Variants in KCNA2 observed in about 807,000 individuals in gnomAD.
The protein encoded by KCNA2 is potassium channel, voltage gated shaker related subfamily A, member 2.
A neutral mutation model predicts 33.4 loss-of-function variants in KCNA2; 11 were observed. The observed-to-expected ratio is 0.33, with a 90% CI of 0.21 to 0.55. The LOEUF (loss-of-function observed/expected upper bound fraction) is 0.55, where lower values mean the gene tolerates loss of function less well. KCNA2 is among the 20% of genes least tolerant of loss of function. The pLI, the probability that KCNA2 is intolerant of heterozygous loss-of-function variation, is 0.93. For missense variants in KCNA2, 291 were observed against 621.6 expected (o/e 0.47, Z 5.66); for synonymous variants, 222 against 231.3 (o/e 0.96, Z 0.37).
In KCNA2 at chr1:110,602,548, CA is replaced by C; in HGVS notation, c.*734del. ...CTGGAGCCTGCAAAAATGGTGAAAT[CA>C]GAGGCTTAGAGGTCTGTTGGTTTGT... On this transcript the variant is annotated 3_prime_UTR_variant, in exon 3 of 3. Transcript: ENST00000316361. 1.0e-5 allele frequency: 11 copies of C among 1,063,180 alleles called. No individual in the cohort carries two copies. The highest frequency in any genetic ancestry group is 1.3e-5 in the Non-Finnish European group (11 of 879,092). The allele number at this position is 1,063,180 out of a possible 1,614,324, so 65.9% of individuals were successfully genotyped here. A position where few individuals can be genotyped will look rare whatever the true frequency, so the allele number is the denominator to read the frequency against.
chr1:110,600,250 C>A lies in KCNA2; in HGVS notation c.*3033G>T. 1 of 979,682 alleles carries A rather than the reference C, an allele frequency of 1.0e-6. No homozygotes were observed. Among genetic ancestry groups the A allele is most frequent in the Non-Finnish European group, 1.2e-6 (1 of 828,654 alleles). 60.7% of individuals were successfully genotyped at this position (979,682 alleles called of 1,614,324 possible). A position where few individuals can be genotyped will look rare whatever the true frequency, so the allele number is the denominator to read the frequency against. ...GCATGTGTGCTATGTATCTTGTATG[C>A]CTATTATAAGTTAATGCATCGTGTG... On this transcript the variant is annotated 3_prime_UTR_variant, in exon 3 of 3. Transcript: ENST00000316361.
Position 110,604,587 on chromosome 1 carries a change from T to A in KCNA2, c.196A>T (p.Met66Leu). 1 of 1,614,182 alleles carries A rather than the reference T, an allele frequency of 6.2e-7. No individual in the cohort carries two copies. Among genetic ancestry groups the A allele is most frequent in the Non-Finnish European group, 8.5e-7 (1 of 1,180,026 alleles). Residue 66 changes from methionine to leucine, a missense_variant, in exon 3 of 3, where the codon ATG becomes TTG. Physicochemically the swap from Met to Leu is conservative, Grantham distance 15. This residue lies in a region of KCNA2 where 163 missense variants were observed against 273.5 expected (regional missense o/e 0.60). Transcript: ENST00000316361. The surrounding 1 kb of genome is among the most constrained non-coding windows in gnomAD (Gnocchi z 7.6). Reference protein sequence around the residue: ...ETLLGDPKKRMRYFDPLRNEY... With the variant: ...ETLLGDPKKRLRYFDPLRNEY... ...TTTCGGAGGGGGTCAAAGTACCTCA[T>A]TCGTTTCTTTGGGTCCCCTAAGAGG...
chr1:110,629,868 G>A (rs992624266), intron 1 of KCNA2, among the ~76,000 whole-genome samples: 4 of 152,190 alleles, frequency 2.6e-5, no homozygotes, highest in African/African-American at 9.7e-5. Flanking sequence ...GGAAGTAAAA[G>A]CTGAAGAATA....
In KCNA2 at chr1:110,600,631, C is replaced by T. The variant is rs924427786; in HGVS notation, c.*2652G>A. The T allele has an allele frequency of 1.3e-5, 13 of 985,322 alleles. No homozygotes were observed. Among genetic ancestry groups the T allele is most frequent in the Non-Finnish European group, 1.4e-5 (12 of 829,914 alleles). The allele number at this position is 985,322 out of a possible 1,614,324, so 61.0% of individuals were successfully genotyped here. On this transcript the variant is annotated 3_prime_UTR_variant, in exon 3 of 3. Coordinates refer to ENST00000316361, the MANE Select transcript of KCNA2 (RefSeq NM_004974.4). ...GACTGTATGTGAACATTTTAGAGTCCTGGGCCAAGGACACTGTGATAAGAT... is the reference window on the plus strand; with the variant it reads ...GACTGTATGTGAACATTTTAGAGTCTTGGGCCAAGGACACTGTGATAAGAT...
chr1:110,594,021 T>A lies in KCNA2; in HGVS notation c.*9262A>T. On this transcript the variant is annotated 3_prime_UTR_variant, in exon 3 of 3. Transcript: ENST00000316361. ...CTGCTCCGCCTTCAGCTCTCATTGG[T>A]CCCCAGCCTCTTATCACCATGGAGA... 9 of 1,535,626 alleles carry A rather than the reference T, an allele frequency of 5.9e-6. No homozygotes were observed. Among genetic ancestry groups the A allele is most frequent in the Non-Finnish European group, 7.0e-6 (8 of 1,140,806 alleles).
Position 110,602,674 on chromosome 1 carries a change from C to T in KCNA2, c.*609G>A. ...CCCCCGGGCTTCCCTCACATCGACA[C>T]TGCAGAGAAAAAGCAGAATGCAGCA... is the stretch of plus-strand genomic sequence containing the variant. On this transcript the variant is annotated 3_prime_UTR_variant, in exon 3 of 3. Coordinates refer to ENST00000316361, the MANE Select transcript of KCNA2 (RefSeq NM_004974.4). 1 of 994,482 alleles carries T rather than the reference C, an allele frequency of 1.0e-6. No individual in the cohort carries two copies. The highest frequency in any genetic ancestry group is 1.2e-6 in the Non-Finnish European group (1 of 835,864). The allele number at this position is 994,482 out of a possible 1,614,324, so 61.6% of individuals were successfully genotyped here.
At position 110,602,994 on chromosome 1, in the gene KCNA2, C is replaced by T; in HGVS notation, c.*289G>A. 8.3e-7 allele frequency: 1 copy of T among 1,210,342 alleles called. No homozygotes were observed. Among genetic ancestry groups the T allele is most frequent in the Non-Finnish European group, 1.0e-6 (1 of 973,036 alleles). The allele number at this position is 1,210,342 out of a possible 1,614,324, so 75.0% of individuals were successfully genotyped here. On this transcript the variant is annotated 3_prime_UTR_variant, in exon 3 of 3. Coordinates refer to ENST00000316361, the MANE Select transcript of KCNA2 (RefSeq NM_004974.4). ...AAGGAATGATGGCACTGATATGGTG[C>T]ACTGTGTATGGGATATGAGGTGGCC...
upstream of KCNA2, chr1:110,606,660 A>C (rs1396947359): frequency 6.6e-6 from 1 of 152,278 alleles, no homozygotes; most frequent in Non-Finnish European, 1.5e-5. Context: ...TCAGCTCTTA[A>C]GCCCCCGGCG....
Position 110,599,434 on chromosome 1 carries a change from G to A in KCNA2, c.*3849C>T, listed in dbSNP as rs2101373402. On this transcript the variant is annotated 3_prime_UTR_variant, in exon 3 of 3. Coordinates refer to ENST00000316361, the MANE Select transcript of KCNA2 (RefSeq NM_004974.4). ...GCTGAACTGGGTTGCATAGCAATTG[G>A]ATGGGAGGCAGGGCATCCAGGGGAG... 2.0e-6 allele frequency: 2 copies of A among 985,428 alleles called. No individual in the cohort carries two copies. Among genetic ancestry groups the A allele is most frequent in the Middle Eastern group, 5.2e-4 (1 of 1,914 alleles). The allele number at this position is 985,428 out of a possible 1,614,324, so 61.0% of individuals were successfully genotyped here. A position where few individuals can be genotyped will look rare whatever the true frequency, so the allele number is the denominator to read the frequency against.
In KCNA2 at chr1:110,602,793, C is replaced by A; in HGVS notation, c.*490G>T. 1.1e-5 allele frequency: 11 copies of A among 996,286 alleles called. No individual in the cohort carries two copies. Among genetic ancestry groups the A allele is most frequent in the Non-Finnish European group, 1.2e-5 (10 of 836,994 alleles). The allele number at this position is 996,286 out of a possible 1,614,324, so 61.7% of individuals were successfully genotyped here. A position where few individuals can be genotyped will look rare whatever the true frequency, so the allele number is the denominator to read the frequency against. On this transcript the variant is annotated 3_prime_UTR_variant, in exon 3 of 3. Coordinates refer to ENST00000316361, the MANE Select transcript of KCNA2 (RefSeq NM_004974.4). ...TGACACAGAAAGTAATTCCAACACA[C>A]AGGACTGTGTGTTCTTTTCAATGCA...
intron 1 of KCNA2, among the ~76,000 whole-genome samples, chr1:110,624,109 A>T (rs1037300267): frequency 6.6e-6 from 1 of 152,270 alleles, no homozygotes; most frequent in Non-Finnish European, 1.5e-5. Flanking sequence ...AAAGTTAAGC[A>T]TATACCTACT....
chr1:110,609,921 A>G (rs926640947), upstream of KCNA2, among the ~76,000 whole-genome samples: 9 of 152,172 alleles, frequency 5.9e-5, no homozygotes, highest in African/African-American at 2.2e-4. Flanking sequence ...TTCGTTTCCT[A>G]GTTGGTCGAA....
chr1:110,603,429 T>C lies in KCNA2; in HGVS notation c.1354A>G (p.Thr452Ala), dbSNP rs765999960. 6.2e-7 allele frequency: 1 copy of C among 1,614,198 alleles called. No individual in the cohort carries two copies. The highest frequency in any genetic ancestry group is 1.7e-5 in the Admixed American group (1 of 60,028). The change falls in exon 3 of 3, where the codon ACC (threonine) becomes GCC (alanine). Residue 452 changes from threonine (T) to alanine (A), a missense_variant. By Grantham distance (58) the Thr-to-Ala change is moderately conservative. Transcript: ENST00000316361. The surrounding 1 kb of genome is among the most constrained non-coding windows in gnomAD (Gnocchi z 5.7). ...PDLKKSRSAS[T>A]ISKSDYMEIQ... ...TCCATGTAATCAGACTTACTAATGG[T>C]AGAGGCACTTCTACTTTTCTTTAGG... is the stretch of plus-strand genomic sequence containing the variant.
rs181181038 is a variant in KCNA2, at chr1:110,620,926, G to A, written c.-496+10469C>T. ...AACATAGCTTCTGGCTGGCGTGAGA[G>A]GCTGTGGACTGCCTCACTCTCACTA... On this transcript the variant is annotated intron_variant, in intron 1 of 4. Coordinates refer to the KCNA2 transcript ENST00000369770. 1.2e-4 allele frequency among the ~76,000 whole-genome samples: 19 copies of A among 152,320 alleles called. 1 individual carries two copies. The highest frequency in any genetic ancestry group is 2.1e-4 in the Non-Finnish European group (14 of 68,034).
rs1649344430 is a variant in KCNA2, at chr1:110,601,559, A to G, written c.*1724T>C. 2.0e-5 allele frequency: 20 copies of G among 987,574 alleles called. No homozygotes were observed. Among genetic ancestry groups the G allele is most frequent in the Non-Finnish European group, 2.3e-5 (19 of 831,532 alleles). The allele number at this position is 987,574 out of a possible 1,614,324, so 61.2% of individuals were successfully genotyped here. ...GCCACAGGGCCCTTGTGCACTCAGT[A>G]AGACAAGCTTCAGCCATGGGAACTG... On this transcript the variant is annotated 3_prime_UTR_variant, in exon 3 of 3. Transcript: ENST00000316361.
At chr1:110,624,768 C>A (rs1380079650) in intron 1 of KCNA2, among the ~76,000 whole-genome samples, 1 of 152,060 alleles carries the variant, frequency 6.6e-6, no homozygotes, top group East Asian at 1.9e-4. Context: ...CAATAATCTG[C>A]ACTACATTTA....
chr1:110,631,411 C>T (rs376576855), exon 1 of KCNA2: 92 of 152,482 alleles, frequency 6.0e-4, no homozygotes, highest in African/African-American at 2.0e-3. Context: ...GAAAGCCCAG[C>T]GGAGGCTCTC....
chr1:110,620,174 TCA>T (rs1408426908), intron 1 of KCNA2, among the ~76,000 whole-genome samples: 2 of 151,984 alleles, frequency 1.3e-5, no homozygotes, highest in African/African-American at 4.8e-5. Context: ...ACCCCTGTCC[TCA>T]CACATCCCGG....
At chr1:110,610,619 T>TG (rs1488801174), upstream of KCNA2, among the ~76,000 whole-genome samples, 1 of 152,234 alleles carries the variant, frequency 6.6e-6, no homozygotes, top group Non-Finnish European at 1.5e-5. Flanking sequence ...AGATCAAGAC[T>TG]GTGTGACTTT....
Sources: allele counts gnomAD v4.1 joint callset (sites outside exome capture counted in the v4.1 genomes callset), GRCh38; gene constraint gnomAD v4.1.1; regional missense constraint gnomAD v4.1.1; non-coding constraint Gnocchi (gnomAD v3.1); transcripts MANE v1.5; gene names NCBI Gene and HGNC (gene_info 2026-07-23, HGNC 2026-07-21).